SUPT3H: variants seen among roughly 807,000 people sequenced by gnomAD.
SUPT3H encodes SPT3 homolog, SAGA and STAGA complex component.
SUPT3H carries 44 observed loss-of-function variants against 44.3 expected under a neutral mutation model. The observed-to-expected ratio is 0.99, with a 90% CI of 0.78 to 1.28. The LOEUF is 1.28. SUPT3H is among the 50% of genes most tolerant of loss of function. SUPT3H has a pLI of 0.00. For missense variants in SUPT3H, 380 were observed against 387.1 expected (o/e 0.98, Z 0.15); for synonymous variants, 124 against 125.6 (o/e 0.99, Z 0.09).
At chr6:44,971,139 T>C (rs1179596651) in intron 6 of SUPT3H, among the ~76,000 whole-genome samples, 1 of 152,150 alleles carries the variant, frequency 6.6e-6, no homozygotes, top group Non-Finnish European at 1.5e-5. Context: ...TTTCTAAACA[T>C]GTGAAAATAA....
chr6:45,152,573 C>A (rs1562561194), intron 2 of SUPT3H, among the ~76,000 whole-genome samples: 1 of 152,130 alleles, frequency 6.6e-6, no homozygotes, highest in Non-Finnish European at 1.5e-5. Context: ...CTCACTGCAA[C>A]CTGTGCCTCC....
rs185735505 is a variant in SUPT3H, at chr6:45,076,693, C to A, written c.186+29229G>T. ...TAAATTGACGCCTTTAATCATTAGC[C>A]CCCTTTGGCTGTCAAAATGATTAAG... On this transcript the variant is annotated intron_variant, in intron 3 of 10. Coordinates refer to ENST00000371459, the MANE Select transcript of SUPT3H (RefSeq NM_003599.4). 2.6e-4 allele frequency among the ~76,000 whole-genome samples: 40 copies of A among 152,130 alleles called. No homozygotes were observed. The East Asian group carries it at 7.5e-3, about 29-fold the overall frequency.
chr6:44,857,607 C>A (rs1773949134), intron 10 of SUPT3H, among the ~76,000 whole-genome samples: 1 of 152,132 alleles, frequency 6.6e-6, no homozygotes, highest in Admixed American at 6.5e-5. Flanking sequence ...GCATTATTAA[C>A]AGATTTTCTT....
At chr6:45,019,920 T>C in intron 4 of SUPT3H, among the ~76,000 whole-genome samples, 1 of 151,934 alleles carries the variant, frequency 6.6e-6, no homozygotes. Flanking sequence ...ACATGTAAAA[T>C]ATTAGAGAAT....
At chr6:45,375,894 A>C (rs1453183717) in intron 1 of SUPT3H, among the ~76,000 whole-genome samples, 1 of 152,102 alleles carries the variant, frequency 6.6e-6, no homozygotes, top group Non-Finnish European at 1.5e-5. Context: ...ACCTAATTTC[A>C]CTTATCTCTC....
rs192847207 is a variant in SUPT3H, at chr6:45,085,015, C to T, written c.186+20907G>A. Among the ~76,000 whole-genome samples, 373 of 152,156 alleles carry T rather than the reference C, an allele frequency of 2.5e-3. 3 individuals carry two copies. Among genetic ancestry groups the T allele is most frequent in the African/African-American group, 8.5e-3 (353 of 41,500 alleles). On this transcript the variant is annotated intron_variant, in intron 3 of 10. Coordinates refer to ENST00000371459, the MANE Select transcript of SUPT3H (RefSeq NM_003599.4). Reference sequence around the variant, plus strand: ...TTAAAACTACCTGTTGGGTCCTATGCTAACACCCTGGGGGATGGGATCCTT... The same window carrying T: ...TTAAAACTACCTGTTGGGTCCTATGTTAACACCCTGGGGGATGGGATCCTT...
At chr6:45,231,584 C>A (rs562370165) in intron 2 of SUPT3H, among the ~76,000 whole-genome samples, 3 of 152,256 alleles carry the variant, frequency 2.0e-5, no homozygotes, top group South Asian at 2.1e-4. Context: ...AACCTTTTTA[C>A]ATTGCATGTG....
intron 10 of SUPT3H, among the ~76,000 whole-genome samples, chr6:44,928,838 G>A (rs1414324546): frequency 8.1e-6 from 1 of 123,826 alleles, no homozygotes; most frequent in East Asian, 2.6e-4. Context: ...AGCGGAGATC[G>A]CGCCACAGCA....
intron 2 of SUPT3H, among the ~76,000 whole-genome samples, chr6:45,358,515 T>C (rs1327020827): frequency 6.6e-6 from 1 of 152,186 alleles, no homozygotes; most frequent in African/African-American, 2.4e-5. Context: ...TTGAATTACT[T>C]TTTATAAACT....
At chr6:45,140,126 T>C (rs931023019) in intron 2 of SUPT3H, among the ~76,000 whole-genome samples, 2 of 152,006 alleles carry the variant, frequency 1.3e-5, no homozygotes, top group Non-Finnish European at 1.5e-5. Flanking sequence ...AACTATATGA[T>C]ACAGCAGAAG....
chr6:45,074,594 C>CTTTTG (rs1401188019), intron 3 of SUPT3H, among the ~76,000 whole-genome samples: 7 of 152,012 alleles, frequency 4.6e-5, no homozygotes, highest in Admixed American at 1.3e-4. Flanking sequence ...AGGGCACACT[C>CTTTTG]TATGTAATTG....
chr6:44,984,090 T>G (rs1339984175), intron 6 of SUPT3H, among the ~76,000 whole-genome samples: 1 of 152,164 alleles, frequency 6.6e-6, no homozygotes, highest in African/African-American at 2.4e-5. Context: ...ACTGTCTGCC[T>G]CCTCTTGCCT....
At chr6:44,929,298 A>G (rs1472647200) in intron 10 of SUPT3H, among the ~76,000 whole-genome samples, 1 of 152,194 alleles carries the variant, frequency 6.6e-6, no homozygotes, top group Non-Finnish European at 1.5e-5. Flanking sequence ...ATGACTCGCT[A>G]AAAGCAGATT....
chr6:44,857,328 T>G (rs1245162415), intron 10 of SUPT3H, among the ~76,000 whole-genome samples: 1 of 152,306 alleles, frequency 6.6e-6, no homozygotes, highest in Middle Eastern at 3.4e-3. Context: ...AAACACATTC[T>G]CTTAAGCTCG....
intron 2 of SUPT3H, among the ~76,000 whole-genome samples, chr6:45,303,803 G>A (rs1782555895): frequency 6.6e-6 from 1 of 151,858 alleles, no homozygotes; most frequent in African/African-American, 2.4e-5. Flanking sequence ...GACCAGCCTG[G>A]CCAATATGGT....
At chr6:44,914,730 C>A (rs544803687) in intron 10 of SUPT3H, among the ~76,000 whole-genome samples, 1 of 152,266 alleles carries the variant, frequency 6.6e-6, no homozygotes, top group African/African-American at 2.4e-5. Context: ...TCGTTCTGTA[C>A]ACTTGTCCAT....
intron 10 of SUPT3H, among the ~76,000 whole-genome samples, chr6:44,867,965 A>ATTT (rs34985613): frequency 3.7e-4 from 54 of 146,126 alleles, no homozygotes; most frequent in Non-Finnish European, 4.6e-4. Context: ...CCATTTTGGT[A>ATTT]TTTTTTTTTT....
chr6:45,069,932 G>A (rs925443904), intron 3 of SUPT3H, among the ~76,000 whole-genome samples: 2 of 152,022 alleles, frequency 1.3e-5, no homozygotes, highest in Non-Finnish European at 1.5e-5. Context: ...CAACAGCTGC[G>A]GGTAGCAGCA....
At chr6:44,831,261 T>A (rs1768672896) in intron 10 of SUPT3H, among the ~76,000 whole-genome samples, 1 of 152,220 alleles carries the variant, frequency 6.6e-6, no homozygotes, top group Admixed American at 6.5e-5. Flanking sequence ...ATTCCAAGTG[T>A]CATTCCTCAG....
Sources: allele counts gnomAD v4.1 joint callset (sites outside exome capture counted in the v4.1 genomes callset), GRCh38; gene constraint gnomAD v4.1.1; transcripts MANE v1.5; gene names NCBI Gene and HGNC (gene_info 2026-07-23, HGNC 2026-07-21).